Variants in CDH13 observed in about 807,000 individuals in gnomAD.
CDH13 encodes cadherin-13.
Under a neutral mutation model 63.8 loss-of-function variants are expected in CDH13, and 24 were observed. The observed-to-expected ratio is 0.38, with a 90% CI of 0.27 to 0.53. CDH13 has a LOEUF of 0.53. Ranked by LOEUF, CDH13 falls within the 20% of genes least tolerant of loss-of-function variation. The pLI is 0.85. For missense variants in CDH13, 1,049 were observed against 903.1 expected (o/e 1.16, Z -2.07); for synonymous variants, 503 against 355.3 (o/e 1.42, Z -4.67).
chr16:82,906,316 C>G (rs1358997926), intron 2 of CDH13, among the ~76,000 whole-genome samples: 2 of 152,088 alleles, frequency 1.3e-5, no homozygotes, highest in Non-Finnish European at 2.9e-5. Flanking sequence ...ATGAGGATTC[C>G]TTTAACACAT....
At chr16:82,798,175 A>C (rs1398579893) in intron 1 of CDH13, among the ~76,000 whole-genome samples, 1 of 152,214 alleles carries the variant, frequency 6.6e-6, no homozygotes, top group African/African-American at 2.4e-5. Flanking sequence ...GTTGCTCTTG[A>C]AACACCGTCT....
At chr16:83,272,491 T>C (rs552436300) in intron 5 of CDH13, among the ~76,000 whole-genome samples, 4 of 152,260 alleles carry the variant, frequency 2.6e-5, no homozygotes, top group African/African-American at 9.6e-5. Context: ...TTGTTCAAAC[T>C]TGAATTTTTA....
rs959956770 is a variant in CDH13, at chr16:83,800,309, G to A, written c.*5279G>A. 6 of 152,038 alleles carry A rather than the reference G, an allele frequency of 3.9e-5. No individual in the cohort carries two copies. The highest frequency in any genetic ancestry group is 2.1e-4 in the South Asian group (1 of 4,824). 9.4% of individuals were successfully genotyped at this position (152,038 alleles called of 1,614,324 possible). ...GTACTAAAGCCATTCTATATCTGTCGTACACATGAATTCAGACTATTATTA... is the reference window on the plus strand; with the variant it reads ...GTACTAAAGCCATTCTATATCTGTCATACACATGAATTCAGACTATTATTA... On this transcript the variant is annotated 3_prime_UTR_variant, in exon 14 of 14. Coordinates refer to ENST00000567109, the MANE Select transcript of CDH13 (RefSeq NM_001257.5).
At chr16:82,763,935 A>G (rs1283354496) in intron 1 of CDH13, among the ~76,000 whole-genome samples, 1 of 152,184 alleles carries the variant, frequency 6.6e-6, no homozygotes, top group African/African-American at 2.4e-5. Context: ...GGCCTCCAAA[A>G]GTGCTGGGAT....
chr16:83,257,316 G>A (rs996333408), intron 5 of CDH13, among the ~76,000 whole-genome samples: 3 of 152,088 alleles, frequency 2.0e-5, no homozygotes, highest in Non-Finnish European at 4.4e-5. Flanking sequence ...AGAATTCATC[G>A]TATTTTTTTT....
chr16:83,246,873 G>A (rs7191373), intron 5 of CDH13, among the ~76,000 whole-genome samples: 22,155 of 152,130 alleles, frequency 0.15, 1,659 homozygotes, highest in Middle Eastern at 0.2. Context: ...GTCCTTACAA[G>A]TGACATCTTC....
chr16:83,604,644 G>C (rs973521739), intron 8 of CDH13, among the ~76,000 whole-genome samples: 14 of 152,044 alleles, frequency 9.2e-5, no homozygotes, highest in African/African-American at 3.4e-4. Context: ...TTATGGAGCT[G>C]GTGTTTCATG....
Position 83,325,538 on chromosome 16 carries a change from G to A in CDH13, c.637-19324G>A, listed in dbSNP as rs559031846. On this transcript the variant is annotated intron_variant, in intron 5 of 13. Transcript: ENST00000567109. Reference sequence around the variant, plus strand: ...TTACTCAGTTCTGCTTTTCTAGCACGAGAGAAGCCGTAGACAGTAGATACA... The same window carrying A: ...TTACTCAGTTCTGCTTTTCTAGCACAAGAGAAGCCGTAGACAGTAGATACA... Among the ~76,000 whole-genome samples the A allele has an allele frequency of 1.8e-4, 28 of 152,308 alleles. No homozygotes were observed. In the South Asian group the frequency reaches 5.0e-3, roughly 27 times the overall value.
chr16:83,070,688 A>T (rs113500468), intron 3 of CDH13, among the ~76,000 whole-genome samples: 2 of 152,216 alleles, frequency 1.3e-5, no homozygotes, highest in African/African-American at 2.4e-5. Flanking sequence ...TTGACCTTCA[A>T]TTACATTGAA....
At position 83,017,007 on chromosome 16, in the gene CDH13, A is replaced by G. The variant is rs181745645; in HGVS notation, c.158-15003A>G. 8.4e-3 allele frequency among the ~76,000 whole-genome samples: 1,277 copies of G among 152,290 alleles called. 14 individuals carry two copies. Among genetic ancestry groups the G allele is most frequent in the African/African-American group, 0.029 (1,208 of 41,564 alleles). The stretch of plus-strand genomic sequence containing the variant: ...AGTGGAATAGCAGGTGTTGATCCGT[A>G]GGAACTTCAAATCTCAAGAGTTATT... On this transcript the variant is annotated intron_variant, in intron 2 of 13. Coordinates refer to ENST00000567109, the MANE Select transcript of CDH13 (RefSeq NM_001257.5).
chr16:82,737,722 A>T (rs946296937), intron 1 of CDH13, among the ~76,000 whole-genome samples: 1 of 152,136 alleles, frequency 6.6e-6, no homozygotes, highest in Non-Finnish European at 1.5e-5. Flanking sequence ...CACCTTCCCC[A>T]TACTTTTTTC....
chr16:82,639,403 C>T lies in CDH13; in HGVS notation c.45+12266C>T, dbSNP rs576859115. On this transcript the variant is annotated intron_variant, in intron 1 of 13. Coordinates refer to ENST00000567109, the MANE Select transcript of CDH13 (RefSeq NM_001257.5). ...CACTGCATGGTTCCCCCAGCAAGAA[C>T]ATCCCAGTGAGAATGGCCCACAGAT... The T allele has an allele frequency of 3.4e-4, 519 of 1,535,626 alleles. 1 individual carries two copies. The highest frequency in any genetic ancestry group is 2.5e-3 in the Middle Eastern group (15 of 5,990).
At position 83,267,204 on chromosome 16, in the gene CDH13, A is replaced by G. The variant is rs575321421; in HGVS notation, c.636+49707A>G. Among the ~76,000 whole-genome samples, 3 of 152,268 alleles carry G rather than the reference A, an allele frequency of 2.0e-5. No individual in the cohort carries two copies. The South Asian group carries it at 6.2e-4, about 32-fold the overall frequency. On this transcript the variant is annotated intron_variant, in intron 5 of 13. Coordinates refer to ENST00000567109, the MANE Select transcript of CDH13 (RefSeq NM_001257.5). The stretch of plus-strand genomic sequence containing the variant: ...CCCAACTGTTGTAAACAAAGAGGAA[A>G]ATTTATCATTTCACAAAACACAAAG...
At chr16:83,392,961 C>T (rs2151431871) in intron 6 of CDH13, among the ~76,000 whole-genome samples, 1 of 151,774 alleles carries the variant, frequency 6.6e-6, no homozygotes, top group African/African-American at 2.4e-5. Context: ...GGGAGAGGCC[C>T]AGGGGAGGGC....
chr16:82,724,799 G>T (rs768623237), intron 1 of CDH13, among the ~76,000 whole-genome samples: 1 of 152,182 alleles, frequency 6.6e-6, no homozygotes, highest in African/African-American at 2.4e-5. Flanking sequence ...AAACAGGGGA[G>T]CCAGGGACAA....
intron 1 of CDH13, among the ~76,000 whole-genome samples, chr16:82,808,435 C>T (rs1295609178): frequency 6.6e-6 from 1 of 152,038 alleles, no homozygotes; most frequent in African/African-American, 2.4e-5. Flanking sequence ...TTCCACAATG[C>T]TTTCAGAGCT....
rs535808746 is a variant in CDH13 at position 83,263,027 on chromosome 16, C to G, written c.636+45530C>G. 1.2e-4 allele frequency among the ~76,000 whole-genome samples: 18 copies of G among 152,292 alleles called. No individual in the cohort carries two copies. In the East Asian group the frequency reaches 3.5e-3, roughly 29 times the overall value. On this transcript the variant is annotated intron_variant, in intron 5 of 13. Coordinates refer to ENST00000567109, the MANE Select transcript of CDH13 (RefSeq NM_001257.5). ...TCTTTGAAACTCGATATTCTTAGAG[C>G]TTGGCAAACCGTCTGGTGTTCAAAT...
chr16:83,551,444 A>T (rs998796449), intron 7 of CDH13, among the ~76,000 whole-genome samples: 91 of 152,196 alleles, frequency 6.0e-4, no homozygotes, highest in African/African-American at 2.2e-3. Context: ...TTATTTGGCC[A>T]TAGATATCTC....
At chr16:82,910,809 G>T (rs1052292221) in intron 2 of CDH13, among the ~76,000 whole-genome samples, 1 of 152,158 alleles carries the variant, frequency 6.6e-6, no homozygotes, top group South Asian at 2.1e-4. Context: ...GATTTCCAAA[G>T]CCATATTGTC....
Sources: gnomAD v4.1 joint callset for allele counts (sites outside exome capture counted in the v4.1 genomes callset) on GRCh38, gnomAD v4.1.1 for gene constraint, MANE v1.5 for transcripts, NCBI Gene and HGNC (gene_info 2026-07-23, HGNC 2026-07-21) for gene names.